CCDC68: variants seen among roughly 807,000 people sequenced by gnomAD.
CCDC68 encodes coiled-coil domain containing 68.
CCDC68 carries 45 observed loss-of-function variants against 47.1 expected under a neutral mutation model. That is an observed-to-expected ratio of 0.96 (90% CI 0.75 to 1.23). The LOEUF is 1.23. Among genes scored for constraint, CCDC68 ranks in the 50% most tolerant of loss-of-function variants. The pLI, the probability that CCDC68 is intolerant of heterozygous loss-of-function variation, is 0.00. For missense variants in CCDC68, 353 were observed against 373.6 expected, an observed-to-expected ratio of 0.94 and a Z score of 0.45; for synonymous variants, 131 against 129.5, an observed-to-expected ratio of 1.01 and a Z score of -0.08.
chr18:54,907,702 C>T, intron 11 of CCDC68, 84 bp downstream of exon 11: 1 of 770,144 alleles, frequency 1.3e-6, no homozygotes, highest in Middle Eastern at 2.3e-4. Context: ...CAGTGACAGA[C>T]TGGAATCTTT....
chr18:54,928,877 C>T lies in CCDC68; in HGVS notation c.606G>A (p.Lys202=), dbSNP rs200261658. ...ACAGTTTTCTTTCTAGTAGTGTTCT[C>T]TTTTCCTAGGAGAAAATAAGATACA... The part of the protein sequence containing the change: ...ENLVQRMEKE[K]RTLLERKLSL... Residue 202 remains lysine (K), a synonymous_variant, in exon 8 of 12, where the codon AAG becomes AAA. Coordinates refer to ENST00000591504, the MANE Select transcript of CCDC68 (RefSeq NM_025214.3). 5.6e-6 allele frequency: 9 copies of T among 1,598,922 alleles called. No homozygotes were observed. In the East Asian group the frequency reaches 2.0e-4, roughly 36 times the overall value.
intron 7 of CCDC68, among the ~76,000 whole-genome samples, chr18:54,929,990 G>A (rs183473660): frequency 8.6e-4 from 131 of 152,114 alleles, no homozygotes; most frequent in African/African-American, 2.6e-3. Context: ...CCCTGTGTTC[G>A]CTTTTATTAT....
At chr18:54,939,546 A>G (rs905583059) in intron 4 of CCDC68, among the ~76,000 whole-genome samples, 33 of 152,018 alleles carry the variant, frequency 2.2e-4, no homozygotes, top group African/African-American at 7.5e-4. Flanking sequence ...TGAAATCTCT[A>G]CAGGGCCAGA....
intron 1 of CCDC68, among the ~76,000 whole-genome samples, chr18:54,953,497 A>ATT (rs1247969839): frequency 7.5e-6 from 1 of 132,756 alleles, no homozygotes; most frequent in Non-Finnish European, 1.6e-5. Flanking sequence ...AGTGTAAATG[A>ATT]TTATATATAT....
intron 10 of CCDC68, among the ~76,000 whole-genome samples, chr18:54,912,875 AC>A (rs1805596529): frequency 6.6e-6 from 1 of 152,166 alleles, no homozygotes; most frequent in South Asian, 2.1e-4. Context: ...CCCTTAAAAA[AC>A]CATCAGATCT....
chr18:54,920,807 A>G (rs1319662403), intron 8 of CCDC68, among the ~76,000 whole-genome samples: 1 of 152,222 alleles, frequency 6.6e-6, no homozygotes, highest in Non-Finnish European at 1.5e-5. Context: ...AAGGGTAAAA[A>G]TAGAACTACC....
chr18:54,957,374 G>A (rs1382038483), intron 1 of CCDC68, among the ~76,000 whole-genome samples: 1 of 152,166 alleles, frequency 6.6e-6, no homozygotes, highest in Non-Finnish European at 1.5e-5. Context: ...GATCATTTAT[G>A]TGGTCTGTAA....
chr18:54,913,433 C>G (rs1272137295), intron 10 of CCDC68, among the ~76,000 whole-genome samples: 1 of 152,154 alleles, frequency 6.6e-6, no homozygotes, highest in Non-Finnish European at 1.5e-5. Context: ...CAGTGCAAGA[C>G]AGTGTACCCC....
chr18:54,947,090 C>T (rs917674252), intron 1 of CCDC68, among the ~76,000 whole-genome samples: 5 of 152,146 alleles, frequency 3.3e-5, no homozygotes, highest in African/African-American at 1.2e-4. Context: ...CCGGCGAAGT[C>T]CAAATTGCCA....
Position 54,928,734 on chromosome 18 carries a change from GC to G in CCDC68, c.683+65del. On this transcript the variant is annotated intron_variant, in intron 8 of 11. Transcript: ENST00000591504. Reference sequence around the variant, plus strand: ...GGGACAGAAGGTCTTCTGTTCCCTGGCTGGCATACCAGTGGACAGGAAAGAA... The same window carrying G: ...GGGACAGAAGGTCTTCTGTTCCCTGGTGGCATACCAGTGGACAGGAAAGAA... The G allele has an allele frequency of 3.1e-6, 3 of 976,148 alleles. No individual in the cohort carries two copies. The Middle Eastern group carries it at 6.3e-4, about 205-fold the overall frequency. The allele number at this position is 976,148 out of a possible 1,614,324, so 60.5% of individuals were successfully genotyped here.
intron 1 of CCDC68, among the ~76,000 whole-genome samples, chr18:54,946,593 G>C (rs2044531898): frequency 6.6e-6 from 1 of 152,154 alleles, no homozygotes; most frequent in Non-Finnish European, 1.5e-5. Context: ...GCCTTCTCAG[G>C]CTCTTTCATA....
At chr18:54,954,067 T>G (rs1462086343) in intron 1 of CCDC68, among the ~76,000 whole-genome samples, 1 of 145,816 alleles carries the variant, frequency 6.9e-6, no homozygotes, top group African/African-American at 2.5e-5. Flanking sequence ...TTTTTTTTTT[T>G]TTGTTTCAGA....
At chr18:54,945,156 C>T (rs551459630) in intron 2 of CCDC68, among the ~76,000 whole-genome samples, 23 of 152,098 alleles carry the variant, frequency 1.5e-4, no homozygotes, top group African/African-American at 4.6e-4. Flanking sequence ...AAAGGACATG[C>T]GGATAAAGAT....
chr18:54,953,861 G>A (rs894821438), intron 1 of CCDC68, among the ~76,000 whole-genome samples: 3 of 151,768 alleles, frequency 2.0e-5, no homozygotes, highest in African/African-American at 7.3e-5. Context: ...TTTTCTAATA[G>A]CTTTCTAGAT....
At chr18:54,946,031 CA>C (rs2044518897) in intron 1 of CCDC68, among the ~76,000 whole-genome samples, 1 of 151,176 alleles carries the variant, frequency 6.6e-6, no homozygotes, top group Non-Finnish European at 1.5e-5. Context: ...AATGGTCAAA[CA>C]AAAAAATCAA....
At chr18:54,926,462 T>C (rs1191967786) in intron 8 of CCDC68, among the ~76,000 whole-genome samples, 1 of 152,198 alleles carries the variant, frequency 6.6e-6, no homozygotes, top group Non-Finnish European at 1.5e-5. Context: ...ATGGTTCAAT[T>C]ACCTCCCACC....
chr18:54,942,135 T>G (rs973382522), intron 3 of CCDC68, among the ~76,000 whole-genome samples: 1 of 152,222 alleles, frequency 6.6e-6, no homozygotes, highest in Admixed American at 6.5e-5. Flanking sequence ...ACATGTCTGT[T>G]GTAAGAAACA....
rs1188806393 is a variant in CCDC68, at chr18:54,917,977, T to G, written c.809A>C (p.Asn270Thr). ...VIQEMEGLKN[N>T]LKEQDKRIEN... ...AATTCTTTTGTCTTGTTCTTTTAAA[T>G]TATTTTTTAATCCTTCCATCTAAGA... The change falls in exon 10 of 12, where the codon AAT becomes ACT. Residue 270 changes from asparagine to threonine, a missense_variant. Coordinates refer to ENST00000591504, the MANE Select transcript of CCDC68 (RefSeq NM_025214.3). The G allele has an allele frequency of 1.3e-6, 2 of 1,505,230 alleles. No individual in the cohort carries two copies. The highest frequency in any genetic ancestry group is 2.3e-5 in the South Asian group (2 of 86,108). 93.2% of individuals were successfully genotyped at this position (1,505,230 alleles called of 1,614,324 possible).
At position 54,902,899 on chromosome 18, in the gene CCDC68, C is replaced by T. The variant is rs913171587; in HGVS notation, c.*1459G>A. The T allele has an allele frequency of 4.6e-5, 7 of 152,210 alleles. No homozygotes were observed. Among genetic ancestry groups the T allele is most frequent in the African/African-American group, 1.7e-4 (7 of 41,462 alleles). 9.4% of individuals were successfully genotyped at this position (152,210 alleles called of 1,614,324 possible). A position where few individuals can be genotyped will look rare whatever the true frequency, so the allele number is the denominator to read the frequency against. On this transcript the variant is annotated 3_prime_UTR_variant, in exon 12 of 12. Coordinates refer to ENST00000591504, the MANE Select transcript of CCDC68 (RefSeq NM_025214.3). The stretch of plus-strand genomic sequence containing the variant: ...TCTGTAAAACAGGAATAATCTGCTT[C>T]TGAGGGCCTTGGGGAAGATAAAATA...
Sources: allele counts gnomAD v4.1 joint callset (sites outside exome capture counted in the v4.1 genomes callset), GRCh38; gene constraint gnomAD v4.1.1; transcripts MANE v1.5; gene names NCBI Gene and HGNC (gene_info 2026-07-23, HGNC 2026-07-21).